LAMA3: variants seen among roughly 807,000 people sequenced by gnomAD.
LAMA3 encodes laminin subunit alpha 3.
In LAMA3, 281 loss-of-function variants were observed where a neutral mutation model predicts 402.0. The observed-to-expected ratio is 0.70, with a 90% confidence interval of 0.63 to 0.77. The LOEUF (loss-of-function observed/expected upper bound fraction) is 0.77, where lower values mean the gene tolerates loss of function less well. LAMA3 is among the 30% of genes least tolerant of loss of function. LAMA3 has a pLI of 0.00. For synonymous variants in LAMA3, 1,431 were observed against 1,558.4 expected, an observed-to-expected ratio of 0.92 and a Z score of 1.93; for missense variants, 3,840 against 4,215.5, an observed-to-expected ratio of 0.91 and a Z score of 2.47.
intron 1 of LAMA3, among the ~76,000 whole-genome samples, chr18:23,705,630 T>TC (rs1458438931): frequency 6.6e-6 from 1 of 152,052 alleles, no homozygotes; most frequent in African/African-American, 2.4e-5. Flanking sequence ...GCTCAGGTAA[T>TC]CCTTCCACCT....
At chr18:23,804,575 T>TGATCAAGATCAA (rs2062926593) in intron 12 of LAMA3, among the ~76,000 whole-genome samples, 1 of 152,176 alleles carries the variant, frequency 6.6e-6, no homozygotes, top group African/African-American at 2.4e-5. Flanking sequence ...AAGGGAAAGG[T>TGATCAAGATCAA]GATCAAGATC....
chr18:23,810,287 T>C (rs1024261454), intron 12 of LAMA3, 79 bp from the exon 13 acceptor site: 1 of 1,554,886 alleles, frequency 6.4e-7, no homozygotes, highest in Non-Finnish European at 8.9e-7. Context: ...TCCACCCTCA[T>C]GCTCTGCTCC....
chr18:23,757,735 C>T (rs1258390818), intron 6 of LAMA3, among the ~76,000 whole-genome samples: 1 of 152,208 alleles, frequency 6.6e-6, no homozygotes, highest in Non-Finnish European at 1.5e-5. Context: ...GAGCTCAAAG[C>T]TTGGAGTTCC....
rs142949791 is a variant in LAMA3, at chr18:23,727,985, C to T, written c.447+13913C>T. Among the ~76,000 whole-genome samples, 10 of 152,238 alleles carry T rather than the reference C, an allele frequency of 6.6e-5. No individual in the cohort carries two copies. In the East Asian group the frequency reaches 7.7e-4, roughly 12 times the overall value. ...CTGGCTTCAAGTGATCCTCCTGCCT[C>T]GGCCTCCCAAAGTGCTGGCACTACA... On this transcript the variant is annotated intron_variant, in intron 2 of 74. Transcript: ENST00000313654.
intron 38 of LAMA3, among the ~76,000 whole-genome samples, chr18:23,874,720 G>A (rs1208278352): frequency 6.6e-6 from 1 of 152,178 alleles, no homozygotes; most frequent in Non-Finnish European, 1.5e-5. Context: ...TTTCCTTTGA[G>A]TATAGTTTCC....
intron 32 of LAMA3, among the ~76,000 whole-genome samples, chr18:23,851,862 T>C (rs112359749): frequency 1.4e-3 from 217 of 152,330 alleles, no homozygotes; most frequent in African/African-American, 4.7e-3. Flanking sequence ...AAAAGTTAGA[T>C]TGGATAATCG....
Position 23,739,712 on chromosome 18 carries a change from AACTT to A in LAMA3, c.448-8225_448-8222del, listed in dbSNP as rs2061532139. On this transcript the variant is annotated intron_variant, in intron 2 of 74. Coordinates refer to ENST00000313654, the MANE Select transcript of LAMA3 (RefSeq NM_198129.4). ...AAACTGGAGTGTTATGGAGGGTATG[AACTT>A]ACTTATGAAAAACAACAATAACATC... 3.9e-5 allele frequency among the ~76,000 whole-genome samples: 6 copies of A among 152,322 alleles called. No homozygotes were observed. In the South Asian group the frequency reaches 1.2e-3, roughly 32 times the overall value.
At chr18:23,756,378 A>C (rs1214728725) in intron 6 of LAMA3, among the ~76,000 whole-genome samples, 1 of 151,978 alleles carries the variant, frequency 6.6e-6, no homozygotes, top group African/African-American at 2.4e-5. Flanking sequence ...CATATTTAAA[A>C]AAAAAAAAAA....
chr18:23,713,014 C>T (rs1332037416), intron 1 of LAMA3, among the ~76,000 whole-genome samples: 3 of 151,954 alleles, frequency 2.0e-5, no homozygotes, highest in Non-Finnish European at 2.9e-5. Flanking sequence ...TAAATGGCTG[C>T]AAAACTATGC....
intron 52 of LAMA3, among the ~76,000 whole-genome samples, chr18:23,906,684 A>T (rs765807706): frequency 6.6e-6 from 1 of 152,186 alleles, no homozygotes; most frequent in Non-Finnish European, 1.5e-5. Flanking sequence ...AATTAAAGAC[A>T]TGAAAAATAA....
chr18:23,713,881 A>C (rs1314000380), intron 1 of LAMA3, 39 bp from the exon 2 acceptor site: 1 of 1,594,992 alleles, frequency 6.3e-7, no homozygotes, highest in East Asian at 2.2e-5. Flanking sequence ...AAAAAAATAA[A>C]AAACAAAAAA....
chr18:23,889,991 C>T lies in LAMA3; in HGVS notation c.5304-20C>T. ...GATGAGTTATTTGGGTGTTTCTCCT[C>T]CTCTCTATATTTTGTGTAGGTGTGC... On this transcript the variant is annotated intron_variant, in intron 41 of 74. Transcript: ENST00000313654. The T allele has an allele frequency of 6.4e-7, 1 of 1,571,320 alleles. No individual in the cohort carries two copies. Among genetic ancestry groups the T allele is most frequent in the African/African-American group, 1.4e-5 (1 of 73,870 alleles).
chr18:23,702,294 A>C (rs2060804871), intron 1 of LAMA3, among the ~76,000 whole-genome samples: 1 of 152,210 alleles, frequency 6.6e-6, no homozygotes, highest in Non-Finnish European at 1.5e-5. Flanking sequence ...GGAGAAGACT[A>C]ACGGCAAGCA....
At chr18:23,924,159 T>C (rs2081933208) in intron 62 of LAMA3, among the ~76,000 whole-genome samples, 1 of 152,112 alleles carries the variant, frequency 6.6e-6, no homozygotes. Flanking sequence ...AGAATTTTCT[T>C]TCTTTTTTTG....
chr18:23,953,328 T>A (rs1404222824), intron 74 of LAMA3, among the ~76,000 whole-genome samples: 1 of 141,640 alleles, frequency 7.1e-6, no homozygotes, highest in African/African-American at 2.6e-5. Context: ...TAATTTTGTT[T>A]TTTTTTTTTG....
At chr18:23,954,044 C>T (rs1049188997) in intron 74 of LAMA3, among the ~76,000 whole-genome samples, 56 of 152,172 alleles carry the variant, frequency 3.7e-4, no homozygotes, top group African/African-American at 1.2e-3. Flanking sequence ...GAGTGTCAGA[C>T]GCCTGCCTGA....
chr18:23,772,194 A>C (rs922221663), intron 8 of LAMA3, among the ~76,000 whole-genome samples: 3 of 152,116 alleles, frequency 2.0e-5, no homozygotes, highest in Admixed American at 2.0e-4. Context: ...GGTGTGTGCC[A>C]CCATGCCCGG....
Position 23,898,861 on chromosome 18 carries a change from G to A in LAMA3, c.5724+13G>A. ...TTTGCAAGAAAAGGTAATGTGTTAG[G>A]TCCATTTAACTTTGGGGTTTTTTTG... On this transcript the variant is annotated intron_variant, in intron 45 of 74. Coordinates refer to ENST00000313654, the MANE Select transcript of LAMA3 (RefSeq NM_198129.4). 1 of 1,571,580 alleles carries A rather than the reference G, an allele frequency of 6.4e-7. No individual in the cohort carries two copies. Among genetic ancestry groups the A allele is most frequent in the Non-Finnish European group, 8.8e-7 (1 of 1,141,302 alleles).
intron 10 of LAMA3, 96 bp from the exon 11 acceptor site, chr18:23,777,461 G>A: frequency 2.4e-6 from 2 of 847,560 alleles, no homozygotes; most frequent in Non-Finnish European, 4.1e-6. Context: ...TTTTCACTAA[G>A]TGACAGAGGG....
Sources: allele counts gnomAD v4.1 joint callset (sites outside exome capture counted in the v4.1 genomes callset), GRCh38; gene constraint gnomAD v4.1.1; transcripts MANE v1.5; gene names NCBI Gene and HGNC (gene_info 2026-07-23, HGNC 2026-07-21).